Variants in EZH2 observed in about 807,000 individuals in gnomAD.
EZH2 encodes histone-lysine N-methyltransferase EZH2.
A neutral mutation model predicts 98.4 loss-of-function variants in EZH2; 18 were observed. That is an observed-to-expected ratio of 0.18 (90% CI 0.13 to 0.27). EZH2 has a LOEUF of 0.27. EZH2 is among the 10% of genes least tolerant of loss of function. The pLI, the probability that EZH2 is intolerant of heterozygous loss-of-function variation, is 1.00. For synonymous variants in EZH2, 338 were observed against 312.3 expected (o/e 1.08, Z -0.87); for missense variants, 470 against 935.1 (o/e 0.50, Z 6.49).
At position 148,839,108 on chromosome 7, in the gene EZH2, A is replaced by G. The variant is rs201712057; in HGVS notation, c.247-6358T>C. Among the ~76,000 whole-genome samples the G allele has an allele frequency of 1.3e-3, 90 of 68,166 alleles. 1 individual carries two copies. Among genetic ancestry groups the G allele is most frequent in the African/African-American group, 4.2e-3 (76 of 17,944 alleles). The allele number at this position is 68,166 out of a possible 152,430, so 44.7% of individuals were successfully genotyped here. The stretch of plus-strand genomic sequence containing the variant: ...AGGAAGGAAGGAAGGAAGGAAGGAA[A>G]GTGAGTGAGCAAGATGGCACAGGCT... On this transcript the variant is annotated intron_variant, in intron 3 of 19. Coordinates refer to ENST00000320356, the MANE Select transcript of EZH2 (RefSeq NM_004456.5).
intron 8 of EZH2, among the ~76,000 whole-genome samples, chr7:148,822,115 T>C (rs1456398876): frequency 6.6e-6 from 1 of 152,164 alleles, no homozygotes; most frequent in African/African-American, 2.4e-5. Flanking sequence ...CAAAGATTTA[T>C]GTTTTTAAAA....
At chr7:148,853,499 G>A (rs1170821100) in intron 1 of EZH2, among the ~76,000 whole-genome samples, 4 of 152,186 alleles carry the variant, frequency 2.6e-5, no homozygotes, top group Non-Finnish European at 5.9e-5. Context: ...GCTTCCGTGA[G>A]AATCTAATGC....
At position 148,846,510 on chromosome 7, in the gene EZH2, T is replaced by C. The variant is rs1475241273; in HGVS notation, c.206A>G (p.His69Arg). ...EWKQRRIQPV[H>R]ILTSVSSLRG... ...CAATGAGCTCACAGAAGTCAGGATG[T>C]GCACAGGCTGTATCCTTCGCTGTTT... The change falls in exon 3 of 20, where the codon CAC (histidine) becomes CGC (arginine). Residue 69 changes from histidine (H) to arginine (R), a missense_variant. Transcript: ENST00000320356. 1.2e-6 allele frequency: 2 copies of C among 1,614,010 alleles called. No individual in the cohort carries two copies. The highest frequency in any genetic ancestry group is 1.7e-6 in the Non-Finnish European group (2 of 1,179,908).
At chr7:148,837,493 G>A (rs1163965631) in intron 3 of EZH2, among the ~76,000 whole-genome samples, 3 of 152,154 alleles carry the variant, frequency 2.0e-5, no homozygotes, top group South Asian at 2.1e-4. Context: ...AAGATAACAC[G>A]CCCAAGTTTT....
chr7:148,881,090 T>C (rs1171092865), intron 1 of EZH2, among the ~76,000 whole-genome samples: 1 of 152,234 alleles, frequency 6.6e-6, no homozygotes, highest in Non-Finnish European at 1.5e-5. Context: ...CACCTACTCA[T>C]ATAGAATCTA....
At chr7:148,842,284 G>A (rs891718439) in intron 3 of EZH2, among the ~76,000 whole-genome samples, 6 of 152,194 alleles carry the variant, frequency 3.9e-5, no homozygotes, top group African/African-American at 1.4e-4. Context: ...TGAAGTCAGT[G>A]AAGGAGAAGT....
At chr7:148,846,214 T>C (rs1245166828) in intron 3 of EZH2, among the ~76,000 whole-genome samples, 2 of 152,154 alleles carry the variant, frequency 1.3e-5, no homozygotes, top group East Asian at 3.9e-4. Flanking sequence ...AAAAGCTTTT[T>C]TTTTTAAATC....
At chr7:148,871,785 G>A (rs1357554957) in intron 1 of EZH2, among the ~76,000 whole-genome samples, 1 of 152,012 alleles carries the variant, frequency 6.6e-6, no homozygotes, top group Non-Finnish European at 1.5e-5. Context: ...ATGTTGTCCA[G>A]GCTGGTCTCG....
chr7:148,866,169 C>T (rs550400102), intron 1 of EZH2, among the ~76,000 whole-genome samples: 3 of 151,948 alleles, frequency 2.0e-5, no homozygotes, highest in Non-Finnish European at 4.4e-5. Flanking sequence ...AACACACTGC[C>T]GGGGTACTAC....
intron 3 of EZH2, among the ~76,000 whole-genome samples, chr7:148,843,373 A>T (rs1230591367): frequency 6.6e-6 from 1 of 151,970 alleles, no homozygotes; most frequent in Non-Finnish European, 1.5e-5. Context: ...CCTGTCACAA[A>T]AACAAAACAA....
chr7:148,841,603 G>T (rs1247403057), intron 3 of EZH2, among the ~76,000 whole-genome samples: 4 of 152,100 alleles, frequency 2.6e-5, no homozygotes, highest in Admixed American at 2.6e-4. Context: ...AACCTATAGG[G>T]CCTATAATCC....
In EZH2 at chr7:148,817,380, G is replaced by A. The variant is rs2129471411; in HGVS notation, c.1252C>T (p.Arg418Trp). The A allele has an allele frequency of 2.5e-6, 4 of 1,612,358 alleles. No individual in the cohort carries two copies. The highest frequency in any genetic ancestry group is 2.5e-6 in the Non-Finnish European group (3 of 1,179,580). ...ETSSSSEANSRCQTPIKMKPN... is the reference protein window; with the variant it reads ...ETSSSSEANSWCQTPIKMKPN... ...TTCATCTTTATTGGTGTTTGACACC[G>A]AGAATTTGCTTCTACAAAACCAAAT... Residue 418 changes from arginine to tryptophan, a missense_variant, in exon 11 of 20, where the codon CGG becomes TGG. Arg to Trp is a moderately radical substitution (Grantham distance 101). Around this residue, in one of 6 missense-constraint regions of EZH2, gnomAD observed 192 missense variants for 306.8 expected, o/e 0.63. Coordinates refer to ENST00000320356, the MANE Select transcript of EZH2 (RefSeq NM_004456.5).
At chr7:148,812,734 C>T (rs1803441758) in intron 15 of EZH2, among the ~76,000 whole-genome samples, 1 of 152,134 alleles carries the variant, frequency 6.6e-6, no homozygotes, top group South Asian at 2.1e-4. Flanking sequence ...TAGGTCTGAG[C>T]AGGTATGCCA....
chr7:148,827,880 G>A (rs1808174193), intron 6 of EZH2, among the ~76,000 whole-genome samples: 1 of 152,210 alleles, frequency 6.6e-6, no homozygotes, highest in Non-Finnish European at 1.5e-5. Flanking sequence ...CACTTTGGGA[G>A]GCCGAGGCAG....
In EZH2 at chr7:148,845,387, A is replaced by C. The variant is rs1002552232; in HGVS notation, c.246+1083T>G. 4.6e-5 allele frequency among the ~76,000 whole-genome samples: 7 copies of C among 152,192 alleles called. No individual in the cohort carries two copies. The South Asian group carries it at 1.4e-3, about 31-fold the overall frequency. ...GATGAGGAGGAAAGTGTCACTGTAT[A>C]ATCAATATTTATACAATTATAAGTC... On this transcript the variant is annotated intron_variant, in intron 3 of 19. Coordinates refer to ENST00000320356, the MANE Select transcript of EZH2 (RefSeq NM_004456.5).
intron 3 of EZH2, among the ~76,000 whole-genome samples, chr7:148,841,964 A>G (rs1182751038): frequency 1.3e-5 from 2 of 152,222 alleles, no homozygotes; most frequent in Non-Finnish European, 2.9e-5. Context: ...TACTATGAAG[A>G]GCAAATCTGT....
chr7:148,874,905 A>C (rs1819974538), intron 1 of EZH2, among the ~76,000 whole-genome samples: 2 of 152,016 alleles, frequency 1.3e-5, no homozygotes. Context: ...TCAAAAAAAA[A>C]AAAAAAAAAT....
chr7:148,828,631 A>G, intron 6 of EZH2, 109 bp downstream of exon 6: 1 of 1,361,258 alleles, frequency 7.3e-7, no homozygotes, highest in Non-Finnish European at 1.0e-6. Flanking sequence ...TGTGATATTT[A>G]ACAAAGAAAG....
At position 148,810,315 on chromosome 7, in the gene EZH2, C is replaced by G. The variant is rs777082272; in HGVS notation, c.2029+18G>C. On this transcript the variant is annotated intron_variant, in intron 17 of 19. Coordinates refer to ENST00000320356, the MANE Select transcript of EZH2 (RefSeq NM_004456.5). ...CATGCAACTCAGGAACTCACTGCCT[C>G]CCAGCTCTGAAACATACCATTGTTC... 1.9e-6 allele frequency: 3 copies of G among 1,588,334 alleles called. No individual in the cohort carries two copies. In the Admixed American group the frequency reaches 5.0e-5, roughly 27 times the overall value.
Sources: gnomAD v4.1 joint callset for allele counts (sites outside exome capture counted in the v4.1 genomes callset) on GRCh38, gnomAD v4.1.1 for gene constraint, gnomAD v4.1.1 regional missense constraint, MANE v1.5 for transcripts, NCBI Gene and HGNC (gene_info 2026-07-23, HGNC 2026-07-21) for gene names.